Variants in PDE1A observed in about 807,000 individuals in gnomAD.
PDE1A encodes the protein phosphodiesterase 1A, also known as dual specificity calcium/calmodulin-dependent 3',5'-cyclic nucleotide phosphodiesterase 1A.
A neutral mutation model predicts 61.7 loss-of-function variants in PDE1A; 35 were observed. That is an observed-to-expected ratio of 0.57 (90% confidence interval 0.43 to 0.75). The LOEUF (loss-of-function observed/expected upper bound fraction) is 0.75. PDE1A is among the 30% of genes least tolerant of loss of function. The pLI is 0.00. For synonymous variants in PDE1A, 232 were observed against 213.2 expected (o/e 1.09, Z -0.77); for missense variants, 597 against 630.6 (o/e 0.95, Z 0.57).
intron 13 of PDE1A, among the ~76,000 whole-genome samples, chr2:182,157,553 C>A (rs960791031): frequency 1.3e-5 from 2 of 152,142 alleles, no homozygotes; most frequent in Non-Finnish European, 2.9e-5. Context: ...GAGTTTCCAT[C>A]TAGGGAGGAT....
chr2:182,687,213 C>T, the PDE1A span, among the ~76,000 whole-genome samples: 2 of 152,338 alleles, frequency 1.3e-5, no homozygotes, highest in East Asian at 3.9e-4. Flanking sequence ...AGTTTGAGAT[C>T]TGAGAACGGA....
intron 3 of PDE1A, among the ~76,000 whole-genome samples, chr2:182,235,473 A>AT (rs917564428): frequency 2.6e-5 from 4 of 152,124 alleles, no homozygotes; most frequent in African/African-American, 7.2e-5. Flanking sequence ...CAGTGATTTG[A>AT]TTTTTTTCTA....
chr2:182,427,215 G>T (rs1703678304), upstream of PDE1A, among the ~76,000 whole-genome samples: 1 of 152,116 alleles, frequency 6.6e-6, no homozygotes, highest in South Asian at 2.1e-4. Flanking sequence ...TGCATGGCTG[G>T]CTCTGCTTCA....
At chr2:182,330,843 C>T (rs1055930379) in intron 1 of PDE1A, among the ~76,000 whole-genome samples, 1 of 152,160 alleles carries the variant, frequency 6.6e-6, no homozygotes, top group Non-Finnish European at 1.5e-5. Context: ...ACCTCTCTCC[C>T]ACACAGTCCT....
the PDE1A span, among the ~76,000 whole-genome samples, chr2:182,653,598 C>T: frequency 4.6e-5 from 7 of 152,046 alleles, no homozygotes; most frequent in Non-Finnish European, 1.0e-4. Context: ...GGAAGGAAAC[C>T]CATATCTAGA....
chr2:182,384,933 G>T (rs1700942999), intron 1 of PDE1A, among the ~76,000 whole-genome samples: 1 of 152,006 alleles, frequency 6.6e-6, no homozygotes, highest in South Asian at 2.1e-4. Context: ...AGAAAAGAAG[G>T]AAATAGCATA....
chr2:182,635,334 C>T, the PDE1A span, among the ~76,000 whole-genome samples: 1 of 152,028 alleles, frequency 6.6e-6, no homozygotes, highest in East Asian at 1.9e-4. Flanking sequence ...ATCGCCTTCC[C>T]AGTAACAATT....
chr2:182,639,565 T>A, the PDE1A span, among the ~76,000 whole-genome samples: 1 of 151,952 alleles, frequency 6.6e-6, no homozygotes, highest in African/African-American at 2.4e-5. Flanking sequence ...AAAATTCTCT[T>A]AGGAAAATAA....
intron 2 of PDE1A, among the ~76,000 whole-genome samples, chr2:182,499,366 C>G (rs1688952077): frequency 6.6e-6 from 1 of 151,920 alleles, no homozygotes; most frequent in Non-Finnish European, 1.5e-5. Flanking sequence ...TCAGTAGAGA[C>G]AGGGTTTCAC....
intron 8 of PDE1A, 144 bp from the exon 9 acceptor site, chr2:182,201,933 C>A: frequency 1.6e-6 from 1 of 607,950 alleles, no homozygotes; most frequent in Non-Finnish European, 2.9e-6. Flanking sequence ...TGTGAAAGTC[C>A]ACACACAAGT....
At chr2:182,520,191 A>G (rs1045362365) in intron 2 of PDE1A, among the ~76,000 whole-genome samples, 1 of 151,930 alleles carries the variant, frequency 6.6e-6, no homozygotes, top group Admixed American at 6.6e-5. Flanking sequence ...CAAACTATAC[A>G]AAAGACCATA....
At chr2:182,402,094 C>A (rs2125454076) in intron 1 of PDE1A, among the ~76,000 whole-genome samples, 1 of 152,274 alleles carries the variant, frequency 6.6e-6, no homozygotes, top group East Asian at 1.9e-4. Flanking sequence ...AATAGCCATA[C>A]TGCCCAAAGT....
At chr2:182,429,966 T>G (rs1003794115), upstream of PDE1A, among the ~76,000 whole-genome samples, 1 of 152,202 alleles carries the variant, frequency 6.6e-6, no homozygotes, top group Non-Finnish European at 1.5e-5. Flanking sequence ...GTGTTCTTTT[T>G]GTTAAACAAC....
intron 13 of PDE1A, among the ~76,000 whole-genome samples, chr2:182,162,178 T>C (rs544266434): frequency 1.2e-4 from 18 of 152,282 alleles, no homozygotes; most frequent in African/African-American, 3.6e-4. Context: ...CCAGAACTTA[T>C]AGTGGGAACT....
At chr2:182,261,325 T>G (rs1030071201) in intron 2 of PDE1A, among the ~76,000 whole-genome samples, 1 of 152,186 alleles carries the variant, frequency 6.6e-6, no homozygotes, top group Non-Finnish European at 1.5e-5. Context: ...GCTTTAATTA[T>G]CTCATTAGTA....
intron 3 of PDE1A, among the ~76,000 whole-genome samples, chr2:182,239,748 G>T (rs1034756670): frequency 6.6e-6 from 1 of 152,170 alleles, no homozygotes; most frequent in Non-Finnish European, 1.5e-5. Flanking sequence ...ACCCAGTGTA[G>T]AATGTATTTC....
At chr2:182,615,545 CAT>C in the PDE1A span, among the ~76,000 whole-genome samples, 7 of 152,272 alleles carry the variant, frequency 4.6e-5, no homozygotes, top group East Asian at 1.9e-4. Flanking sequence ...ATTATCTCGA[CAT>C]GTGTTATTAG....
chr2:182,240,039 C>G, intron 3 of PDE1A, 71 bp downstream of exon 3: 1 of 1,367,786 alleles, frequency 7.3e-7, no homozygotes, highest in Non-Finnish European at 1.0e-6. Flanking sequence ...ACTGCTCATA[C>G]CCTTGAAAAA....
the PDE1A span, among the ~76,000 whole-genome samples, chr2:182,696,082 G>C: frequency 7.2e-5 from 11 of 152,184 alleles, no homozygotes; most frequent in Non-Finnish European, 1.6e-4. Flanking sequence ...ACATACTCTT[G>C]TCATAAGATC....
Sources: allele counts gnomAD v4.1 joint callset (sites outside exome capture counted in the v4.1 genomes callset), GRCh38; gene constraint gnomAD v4.1.1; transcripts MANE v1.5; gene names NCBI Gene and HGNC (gene_info 2026-07-23, HGNC 2026-07-21).